Variants in TCERG1 observed in about 807,000 individuals in gnomAD.
The protein encoded by TCERG1 is transcription elongation regulator 1.
Under a neutral mutation model 144.7 loss-of-function variants are expected in TCERG1, and 37 were observed. The ratio of observed to expected loss-of-function variants is 0.26; its 90% confidence interval spans 0.20 to 0.34. The LOEUF (loss-of-function observed/expected upper bound fraction) is 0.34. TCERG1 is among the 10% of genes least tolerant of loss of function. TCERG1 has a pLI of 1.00. For missense variants in TCERG1, 1,027 were observed against 1,380.7 expected (o/e 0.74, Z 4.06); for synonymous variants, 492 against 458.2 (o/e 1.07, Z -0.94).
In TCERG1 at chr5:146,470,642, TAGAAG is replaced by T. The variant is rs781141103; in HGVS notation, c.1413_1417del (p.Glu471AspfsTer2). The T allele has an allele frequency of 1.3e-6, 2 of 1,597,694 alleles. No homozygotes were observed. The highest frequency in any genetic ancestry group is 1.7e-6 in the Non-Finnish European group (2 of 1,176,172). ...ATCTTAATTTTTTTCATAGAAAAGT[TAGAAG>T]AGAAGATTAAAGAGCCAATTAAAGA... On this transcript the variant is annotated frameshift_variant, in exon 8 of 23. Transcript: ENST00000679501. LOFTEE classifies it high-confidence loss of function.
intron 17 of TCERG1, among the ~76,000 whole-genome samples, chr5:146,499,141 A>G (rs1581557589): frequency 6.6e-6 from 1 of 152,244 alleles, no homozygotes; most frequent in African/African-American, 2.4e-5. Context: ...AAGGTCAGCT[A>G]TTAAAGATTA....
Position 146,507,183 on chromosome 5 carries a change from G to A in TCERG1, c.2937G>A (p.Arg979=), listed in dbSNP as rs1224976820. ...ALTKKKREHF[R]QLLDETSAIT... ...CCAAAAAAAAGAGAGAGCACTTTAG[G>A]CAACTTCTGGATGAAACTTCTGCAG... is the stretch of plus-strand genomic sequence containing the variant. Residue 979 remains arginine (R), a synonymous_variant, in exon 20 of 23, where the codon AGG becomes AGA. Coordinates refer to ENST00000679501, the MANE Select transcript of TCERG1 (RefSeq NM_001382548.1). The surrounding 1 kb of genome is among the most constrained non-coding windows in gnomAD (Gnocchi z 4.6). The A allele has an allele frequency of 1.9e-6, 3 of 1,601,140 alleles. No individual in the cohort carries two copies. Among genetic ancestry groups the A allele is most frequent in the Non-Finnish European group, 2.6e-6 (3 of 1,176,422 alleles).
intron 16 of TCERG1, among the ~76,000 whole-genome samples, chr5:146,495,249 A>G (rs1766781851): frequency 6.6e-6 from 1 of 152,208 alleles, no homozygotes; most frequent in African/African-American, 2.4e-5. Flanking sequence ...TATTTGTATT[A>G]TACTTACTAC....
intron 10 of TCERG1, among the ~76,000 whole-genome samples, chr5:146,479,574 T>C (rs1031241224): frequency 5.9e-5 from 9 of 152,226 alleles, no homozygotes; most frequent in African/African-American, 7.2e-5. Context: ...ATAAATACAT[T>C]AACGTGCATT....
intron 19 of TCERG1, among the ~76,000 whole-genome samples, chr5:146,506,079 CT>C (rs202029044): frequency 6.6e-6 from 1 of 151,990 alleles, no homozygotes; most frequent in African/African-American, 2.4e-5. Flanking sequence ...CCTTTTTATC[CT>C]TTTTTTTCCT....
intron 2 of TCERG1, among the ~76,000 whole-genome samples, chr5:146,456,063 A>G (rs1762809345): frequency 6.6e-6 from 1 of 152,222 alleles, no homozygotes; most frequent in Admixed American, 6.5e-5. Context: ...ACAGTGAAGA[A>G]TGAATTATAC....
chr5:146,504,867 C>T (rs1012607040), intron 19 of TCERG1, among the ~76,000 whole-genome samples: 2 of 151,986 alleles, frequency 1.3e-5, no homozygotes, highest in Non-Finnish European at 2.9e-5. Context: ...GCCAACATGG[C>T]GAAACCCCGT....
Position 146,457,223 on chromosome 5 carries a change from C to T in TCERG1, c.326C>T (p.Pro109Leu). Reference sequence around the variant, plus strand: ...CCTCCTCCCATGAGTTCCATGCCTCCTCCTCCGGGTATGATGTTTCCACCA... The same window carrying T: ...CCTCCTCCCATGAGTTCCATGCCTCTTCCTCCGGGTATGATGTTTCCACCA... ...FMPPPMSSMP[P>L]PPGMMFPPGM... Residue 109 changes from proline (P) to leucine (L), a missense_variant, in exon 3 of 23, where the codon CCT (proline) becomes CTT (leucine). Transcript: ENST00000679501. 1 of 1,614,162 alleles carries T rather than the reference C, an allele frequency of 6.2e-7. No individual in the cohort carries two copies. Among genetic ancestry groups the T allele is most frequent in the Non-Finnish European group, 8.5e-7 (1 of 1,179,974 alleles).
chr5:146,482,345 C>T, intron 13 of TCERG1: 1 of 270,646 alleles, frequency 3.7e-6, no homozygotes, highest in South Asian at 9.8e-5. Flanking sequence ...GGAGAGACAG[C>T]CCATTAAAGG....
At chr5:146,479,972 T>C in intron 11 of TCERG1, 56 bp from the exon 12 acceptor site, 3 of 1,601,760 alleles carry the variant, frequency 1.9e-6, no homozygotes, top group South Asian at 2.2e-5. Flanking sequence ...AGTGTTCTGG[T>C]AGTGATTAGC....
chr5:146,490,842 TA>T lies in TCERG1; in HGVS notation c.2164-2076del, dbSNP rs555636822. On this transcript the variant is annotated intron_variant, in intron 15 of 22. Transcript: ENST00000679501. ...TGTTAATTACCTTTGTCTTTTTATT[TA>T]ACTTTTTGGATAATTTCCTTGCCTT... 4.3e-3 allele frequency among the ~76,000 whole-genome samples: 656 copies of T among 152,254 alleles called. 2 individuals are homozygous for T. Among genetic ancestry groups the T allele is most frequent in the African/African-American group, 0.015 (622 of 41,580 alleles).
In TCERG1 at chr5:146,509,154, A is replaced by C; in HGVS notation, c.3055A>C (p.Arg1019=). The C allele has an allele frequency of 6.4e-7, 1 of 1,571,194 alleles. No individual in the cohort carries two copies. Among genetic ancestry groups the C allele is most frequent in the Non-Finnish European group, 8.6e-7 (1 of 1,163,522 alleles). ...TTTTTTTTATTAACAGAAAAAACAA[A>C]GAGAATTTGAAGAATATATCAGAGA... The part of the protein sequence containing the change: ...KFSSSDRKKQ[R]EFEEYIRDKY... The change falls in exon 22 of 23, where the codon AGA becomes CGA. Residue 1019 remains arginine (R), a synonymous_variant. Coordinates refer to ENST00000679501, the MANE Select transcript of TCERG1 (RefSeq NM_001382548.1).
At chr5:146,488,425 C>T (rs1201592088) in intron 15 of TCERG1, among the ~76,000 whole-genome samples, 1 of 152,096 alleles carries the variant, frequency 6.6e-6, no homozygotes, top group East Asian at 1.9e-4. Flanking sequence ...GGCAGATGAT[C>T]TGAACAGACA....
chr5:146,447,921 CT>C, intron 1 of TCERG1, among the ~76,000 whole-genome samples: 1 of 152,376 alleles, frequency 6.6e-6, no homozygotes, highest in African/African-American at 2.4e-5. Context: ...CATTGCTTGC[CT>C]TTCTTAACTT....
rs138739406 is a variant in TCERG1, at chr5:146,497,584, A to G, written c.2283-952A>G. ...TTAGTGATTTTTGATTGAATATTGG[A>G]CTTTGTGGCTAATATATAGAGACTC... On this transcript the variant is annotated intron_variant, in intron 16 of 22. Transcript: ENST00000679501. Among the ~76,000 whole-genome samples the G allele has an allele frequency of 3.7e-4, 57 of 152,224 alleles. 1 individual carries two copies. The East Asian group carries it at 0.01, about 27-fold the overall frequency.
intron 5 of TCERG1, 133 bp from the exon 6 acceptor site, chr5:146,468,208 T>C (rs1763966823): frequency 1.5e-6 from 1 of 672,264 alleles, no homozygotes; most frequent in African/African-American, 1.9e-5. Context: ...AGAAAGAAAT[T>C]TTACTCCATT....
intron 19 of TCERG1, chr5:146,505,721 C>T (rs1384783916): frequency 1.3e-5 from 2 of 149,524 alleles, no homozygotes; most frequent in African/African-American, 5.0e-5. Flanking sequence ...CATATGACTG[C>T]AGCACTTATT....
chr5:146,483,334 A>G (rs1282294907), intron 14 of TCERG1, among the ~76,000 whole-genome samples: 1 of 152,150 alleles, frequency 6.6e-6, no homozygotes, highest in African/African-American at 2.4e-5. Flanking sequence ...TGTTATTTCT[A>G]TATAATATAG....
At chr5:146,451,781 TTTTTTTAA>T (rs1170715476) in intron 1 of TCERG1, among the ~76,000 whole-genome samples, 1 of 149,810 alleles carries the variant, frequency 6.7e-6, no homozygotes, top group African/African-American at 2.4e-5. Flanking sequence ...TAGTTTTTTT[TTTTTTTAA>T]TTTTTTAATT....
Sources: gnomAD v4.1 joint callset for allele counts (sites outside exome capture counted in the v4.1 genomes callset) on GRCh38, gnomAD v4.1.1 for gene constraint, Gnocchi (gnomAD v3.1) non-coding constraint, MANE v1.5 for transcripts, NCBI Gene and HGNC (gene_info 2026-07-23, HGNC 2026-07-21) for gene names.